Variants in EPHA6 observed in about 807,000 individuals in gnomAD.
EPHA6 encodes the protein ephrin type-A receptor 6.
In EPHA6, 50 loss-of-function variants were observed where a neutral mutation model predicts 112.0. That is an observed-to-expected ratio of 0.45 (90% CI 0.36 to 0.56). The LOEUF is 0.56. Ranked by LOEUF, EPHA6 falls within the 20% of genes least tolerant of loss-of-function variation. EPHA6 has a pLI of 0.00. For missense variants in EPHA6, 1,280 were observed against 1,417.4 expected (o/e 0.90, Z 1.56); for synonymous variants, 529 against 490.7 (o/e 1.08, Z -1.03).
At chr3:97,057,524 G>A (rs1026394126) in intron 3 of EPHA6, among the ~76,000 whole-genome samples, 7 of 152,126 alleles carry the variant, frequency 4.6e-5, no homozygotes, top group South Asian at 2.1e-4. Flanking sequence ...CTTGGGTCAC[G>A]TTTGATGATG....
chr3:97,548,779 T>G (rs2092992177), intron 11 of EPHA6, among the ~76,000 whole-genome samples: 1 of 152,250 alleles, frequency 6.6e-6, no homozygotes. Flanking sequence ...CTGGGATGTT[T>G]CCAGTTTGAG....
intron 1 of EPHA6, among the ~76,000 whole-genome samples, chr3:96,861,175 G>C (rs2035984214): frequency 6.6e-6 from 1 of 151,996 alleles, no homozygotes; most frequent in Non-Finnish European, 1.5e-5. Flanking sequence ...TTCTTGGAAT[G>C]AGTGAAATAA....
chr3:97,303,349 CA>C (rs1346121201), intron 5 of EPHA6, among the ~76,000 whole-genome samples: 5 of 151,956 alleles, frequency 3.3e-5, no homozygotes, highest in African/African-American at 1.2e-4. Flanking sequence ...AGGAAAAACT[CA>C]GCATTTCAGT....
chr3:97,602,332 G>T (rs1291852299), intron 12 of EPHA6, among the ~76,000 whole-genome samples: 1 of 151,980 alleles, frequency 6.6e-6, no homozygotes, highest in Non-Finnish European at 1.5e-5. Flanking sequence ...TTACAGCTTT[G>T]TAGGCCTTTA....
At chr3:97,528,730 A>T (rs1040690730) in intron 10 of EPHA6, among the ~76,000 whole-genome samples, 6 of 152,150 alleles carry the variant, frequency 3.9e-5, no homozygotes, top group African/African-American at 1.2e-4. Flanking sequence ...TCACAGATTT[A>T]GTTCAATTAT....
intron 5 of EPHA6, among the ~76,000 whole-genome samples, chr3:97,283,537 T>C (rs934042970): frequency 4.6e-5 from 7 of 152,088 alleles, no homozygotes; most frequent in Admixed American, 2.6e-4. Context: ...AAATGGTGAT[T>C]ATAGAAATGG....
At chr3:97,151,037 T>C (rs75257674) in intron 3 of EPHA6, among the ~76,000 whole-genome samples, 1,991 of 152,284 alleles carry the variant, frequency 0.013, 27 homozygotes, top group African/African-American at 0.045. Flanking sequence ...CATAGAAGTC[T>C]CCAGTATTGG....
Position 96,957,028 on chromosome 3 carries a change from G to A in EPHA6, c.451-30302G>A, listed in dbSNP as rs1475529259. 6.1e-5 allele frequency among the ~76,000 whole-genome samples: 8 copies of A among 130,914 alleles called. No homozygotes were observed. The East Asian group carries it at 1.8e-3, about 30-fold the overall frequency. 85.9% of individuals were successfully genotyped at this position (130,914 alleles called of 152,430 possible). A position where few individuals can be genotyped will look rare whatever the true frequency, so the allele number is the denominator to read the frequency against. On this transcript the variant is annotated intron_variant, in intron 2 of 17. Coordinates refer to ENST00000389672, the MANE Select transcript of EPHA6 (RefSeq NM_001080448.3). ...AGCCTGGGTGACAAGAGTGAAACTT[G>A]TCTCAAAAAAAAAAAAAAAAATCTG...
chr3:97,309,425 A>G (rs959362753), intron 5 of EPHA6, among the ~76,000 whole-genome samples: 1 of 151,576 alleles, frequency 6.6e-6, no homozygotes, highest in African/African-American at 2.4e-5. Flanking sequence ...ATAATTGGAT[A>G]CCTCCAAAAC....
chr3:97,672,691 G>A (rs1330599555), intron 14 of EPHA6, among the ~76,000 whole-genome samples: 5 of 152,076 alleles, frequency 3.3e-5, no homozygotes, highest in Admixed American at 6.6e-5. Context: ...GAGGAATGAA[G>A]GGAAGGAGAG....
intron 6 of EPHA6, among the ~76,000 whole-genome samples, chr3:97,413,065 C>T (rs2087844841): frequency 6.6e-6 from 1 of 151,400 alleles, no homozygotes; most frequent in African/African-American, 2.4e-5. Context: ...TTCAAAATTC[C>T]TCTAAATTTC....
intron 3 of EPHA6, among the ~76,000 whole-genome samples, chr3:97,105,837 T>G (rs796160014): frequency 6.6e-6 from 1 of 152,216 alleles, no homozygotes; most frequent in Non-Finnish European, 1.5e-5. Context: ...TGGGTGCTTC[T>G]GTGTTGGTGC....
rs71311311 is a variant in EPHA6 at position 97,071,993 on chromosome 3, C to G, written c.1114+84000C>G. Among the ~76,000 whole-genome samples the G allele has an allele frequency of 2.2e-3, 337 of 152,096 alleles. 1 individual carries two copies. The highest frequency in any genetic ancestry group is 2.6e-3 in the Non-Finnish European group (176 of 67,972). Reference sequence around the variant, plus strand: ...TGTTTGGTTTTGCCTTCCTGAGTTACTTCACTTAAAATAATGGTCTCCAAT... The same window carrying G: ...TGTTTGGTTTTGCCTTCCTGAGTTAGTTCACTTAAAATAATGGTCTCCAAT... On this transcript the variant is annotated intron_variant, in intron 3 of 17. Coordinates refer to ENST00000389672, the MANE Select transcript of EPHA6 (RefSeq NM_001080448.3).
intron 3 of EPHA6, among the ~76,000 whole-genome samples, chr3:97,155,009 T>G (rs1365769175): frequency 6.6e-6 from 1 of 152,190 alleles, no homozygotes; most frequent in Non-Finnish European, 1.5e-5. Context: ...TATCACAGTT[T>G]TCTATACATT....
At chr3:97,609,226 A>G (rs982384620) in intron 12 of EPHA6, among the ~76,000 whole-genome samples, 2 of 151,376 alleles carry the variant, frequency 1.3e-5, no homozygotes, top group African/African-American at 2.4e-5. Context: ...TTCAGAATCC[A>G]TCATCATTCA....
chr3:97,271,293 C>A (rs2079870697), intron 5 of EPHA6, among the ~76,000 whole-genome samples: 1 of 152,206 alleles, frequency 6.6e-6, no homozygotes, highest in African/African-American at 2.4e-5. Context: ...GAGTTCTCTC[C>A]TCACTTTACT....
intron 14 of EPHA6, among the ~76,000 whole-genome samples, chr3:97,642,626 A>G (rs2094018785): frequency 6.6e-6 from 1 of 152,182 alleles, no homozygotes; most frequent in African/African-American, 2.4e-5. Context: ...CCAAGGCTCG[A>G]GAACTACGTG....
chr3:97,526,944 C>T (rs1163947134), intron 10 of EPHA6, among the ~76,000 whole-genome samples: 1 of 152,210 alleles, frequency 6.6e-6, no homozygotes, highest in East Asian at 1.9e-4. Context: ...TGAGATAGGG[C>T]CCCTTCATGA....
intron 2 of EPHA6, among the ~76,000 whole-genome samples, chr3:96,929,284 G>A (rs927144474): frequency 6.6e-6 from 1 of 152,204 alleles, no homozygotes; most frequent in Non-Finnish European, 1.5e-5. Flanking sequence ...CATGATGCTA[G>A]CTAGTTATTT....
Sources: gnomAD v4.1 joint callset for allele counts (sites outside exome capture counted in the v4.1 genomes callset) on GRCh38, gnomAD v4.1.1 for gene constraint, MANE v1.5 for transcripts, NCBI Gene and HGNC (gene_info 2026-07-23, HGNC 2026-07-21) for gene names.